Variants in RPS6KA2 observed in about 807,000 individuals in gnomAD.
The protein encoded by RPS6KA2 is ribosomal protein S6 kinase alpha-2.
Under a neutral mutation model 91.8 loss-of-function variants are expected in RPS6KA2, and 42 were observed. The ratio of observed to expected loss-of-function variants is 0.46; its 90% CI spans 0.36 to 0.59. The LOEUF is 0.59. Ranked by LOEUF, RPS6KA2 falls within the 20% of genes least tolerant of loss-of-function variation. The pLI is 0.00. For synonymous variants in RPS6KA2, 414 were observed against 393.6 expected (o/e 1.05, Z -0.61); for missense variants, 798 against 978.5 (o/e 0.82, Z 2.46).
intron 3 of RPS6KA2, 43 bp downstream of exon 3, chr6:166,531,189 A>G (rs759532530): frequency 8.0e-7 from 1 of 1,255,120 alleles, no homozygotes; most frequent in Non-Finnish European, 1.2e-6. Context: ...TAGAAATTGC[A>G]GTTACCTGTC....
At chr6:166,798,090 C>T (rs17591358) in intron 2 of RPS6KA2, among the ~76,000 whole-genome samples, 9,999 of 152,254 alleles carry the variant, frequency 0.066, 436 homozygotes, top group Non-Finnish European at 0.099. Flanking sequence ...AGAGCAAAAT[C>T]GAATATGCGA....
chr6:166,641,719 C>A (rs1159779935), intron 2 of RPS6KA2, among the ~76,000 whole-genome samples: 3 of 28,524 alleles, frequency 1.1e-4, no homozygotes, highest in Non-Finnish European at 1.5e-4. Flanking sequence ...GACTCTGTCA[C>A]AAAAAAAAAA....
chr6:166,668,847 C>T (rs1788392398), intron 2 of RPS6KA2, among the ~76,000 whole-genome samples: 1 of 135,286 alleles, frequency 7.4e-6, no homozygotes, highest in Non-Finnish European at 1.6e-5. Flanking sequence ...TCCTCCATCC[C>T]TCCCTCCCTC....
chr6:166,589,844 T>A (rs1785300304), intron 1 of RPS6KA2, among the ~76,000 whole-genome samples: 1 of 152,136 alleles, frequency 6.6e-6, no homozygotes, highest in Non-Finnish European at 1.5e-5. Context: ...ATATACAACA[T>A]AAACTAAACT....
intron 2 of RPS6KA2, among the ~76,000 whole-genome samples, chr6:166,754,624 A>T (rs1777944680): frequency 6.6e-6 from 1 of 151,618 alleles, no homozygotes. Flanking sequence ...TGAAAAGTGC[A>T]CTCCTGGGTG....
intron 2 of RPS6KA2, among the ~76,000 whole-genome samples, chr6:166,820,970 G>A (rs1241313414): frequency 6.6e-6 from 1 of 152,184 alleles, no homozygotes; most frequent in East Asian, 1.9e-4. Context: ...ATCTCTCACA[G>A]ATGAATTTTT....
chr6:166,739,465 G>C (rs1196841653), intron 2 of RPS6KA2, among the ~76,000 whole-genome samples: 1 of 152,176 alleles, frequency 6.6e-6, no homozygotes, highest in African/African-American at 2.4e-5. Context: ...ATTAGAGCTC[G>C]TCTCTAAAAT....
At chr6:166,574,410 A>T (rs1784781382) in intron 1 of RPS6KA2, among the ~76,000 whole-genome samples, 1 of 152,174 alleles carries the variant, frequency 6.6e-6, no homozygotes, top group Non-Finnish European at 1.5e-5. Context: ...GAGAACATGC[A>T]TTTGGTTTTC....
intron 2 of RPS6KA2, among the ~76,000 whole-genome samples, chr6:166,704,228 T>G (rs1212905204): frequency 6.6e-6 from 1 of 152,200 alleles, no homozygotes; most frequent in African/African-American, 2.4e-5. Context: ...CTGTGAGGTG[T>G]TGATAGCATG....
rs142511973 is a variant in RPS6KA2, at chr6:166,762,392, A to ATG, written c.123+95806_123+95807dup. ...TGTGTGTTTGTATGTCTATGCGCAT[A>ATG]TGTGTGTGTGTGTGCATGTTAAACG... On this transcript the variant is annotated intron_variant, in intron 2 of 21. Transcript: ENST00000503859. Among the ~76,000 whole-genome samples the ATG allele has an allele frequency of 9.2e-5, 14 of 151,844 alleles. No individual in the cohort carries two copies. In the South Asian group the frequency reaches 1.7e-3, roughly 18 times the overall value.
In RPS6KA2 at chr6:166,767,126, C is replaced by T. The variant is rs929039172; in HGVS notation, c.123+91074G>A. Among the ~76,000 whole-genome samples the T allele has an allele frequency of 2.0e-5, 3 of 152,242 alleles. No homozygotes were observed. Among genetic ancestry groups the T allele is most frequent in the African/African-American group, 7.2e-5 (3 of 41,466 alleles). ...CTCAGCTACCTGTGGGAAAAGCCAGCTCCACCATGGAATTTTTGTCTCTGA... is the reference window on the plus strand; with the variant it reads ...CTCAGCTACCTGTGGGAAAAGCCAGTTCCACCATGGAATTTTTGTCTCTGA... On this transcript the variant is annotated intron_variant, in intron 2 of 21. Transcript: ENST00000503859. This position sits in a 1 kb window ranked among gnomAD's most constrained non-coding sequence, Gnocchi z 4.6.
At chr6:166,675,514 C>A (rs939829961) in intron 2 of RPS6KA2, among the ~76,000 whole-genome samples, 4 of 152,136 alleles carry the variant, frequency 2.6e-5, no homozygotes, top group Non-Finnish European at 5.9e-5. Flanking sequence ...CCTGGAAAAT[C>A]CCCTCCCCAG....
At chr6:166,517,441 C>T (rs887454505) in intron 3 of RPS6KA2, among the ~76,000 whole-genome samples, 7 of 134,574 alleles carry the variant, frequency 5.2e-5, no homozygotes, top group Admixed American at 2.2e-4. Flanking sequence ...CCACTTAAGG[C>T]GTTCTTTTGT....
At position 166,500,812 on chromosome 6, in the gene RPS6KA2, T is replaced by G. The variant is rs1178191330; in HGVS notation, c.604+75A>C. 7.3e-7 allele frequency: 1 copy of G among 1,376,098 alleles called. No individual in the cohort carries two copies. Among genetic ancestry groups the G allele is most frequent in the East Asian group, 2.3e-5 (1 of 43,784 alleles). The allele number at this position is 1,376,098 out of a possible 1,614,324, so 85.2% of individuals were successfully genotyped here. ...GAAGGGCGGTGTAAATAAGAGGGCTTGGGCTTTGAGGTGGTCCCCAAAGGT... is the reference window on the plus strand; with the variant it reads ...GAAGGGCGGTGTAAATAAGAGGGCTGGGGCTTTGAGGTGGTCCCCAAAGGT... On this transcript the variant is annotated intron_variant, in intron 7 of 20. Coordinates refer to ENST00000265678, the MANE Select transcript of RPS6KA2 (RefSeq NM_021135.6). This position sits in a 1 kb window ranked among gnomAD's most constrained non-coding sequence, Gnocchi z 4.3.
intron 1 of RPS6KA2, among the ~76,000 whole-genome samples, chr6:166,547,287 G>A (rs1583267133): frequency 6.6e-6 from 1 of 152,328 alleles, no homozygotes; most frequent in Non-Finnish European, 1.5e-5. Context: ...AAGGAAGGCA[G>A]TTTGGGCTCT....
chr6:166,758,450 T>C (rs2128602137), intron 2 of RPS6KA2, among the ~76,000 whole-genome samples: 1 of 152,366 alleles, frequency 6.6e-6, no homozygotes, highest in African/African-American at 2.4e-5. Context: ...TTGCTTTCAC[T>C]TGCCATGGAG....
intron 3 of RPS6KA2, among the ~76,000 whole-genome samples, chr6:166,517,235 C>T (rs961713025): frequency 6.6e-6 from 1 of 152,068 alleles, no homozygotes; most frequent in Non-Finnish European, 1.5e-5. Flanking sequence ...TGGCTCATAC[C>T]TGTAATCCCA....
intron 2 of RPS6KA2, among the ~76,000 whole-genome samples, chr6:166,794,006 G>T (rs1779160906): frequency 2.1e-5 from 3 of 140,898 alleles, no homozygotes; most frequent in South Asian, 2.7e-4. Flanking sequence ...TGACAAATGG[G>T]ATCTAATTAA....
intron 2 of RPS6KA2, among the ~76,000 whole-genome samples, chr6:166,750,588 G>A (rs780039799): frequency 6.6e-6 from 1 of 152,226 alleles, no homozygotes; most frequent in Non-Finnish European, 1.5e-5. Flanking sequence ...TTCTGCATCT[G>A]TGCTGTCTTC....
Sources: allele counts gnomAD v4.1 joint callset (sites outside exome capture counted in the v4.1 genomes callset), GRCh38; gene constraint gnomAD v4.1.1; non-coding constraint Gnocchi (gnomAD v3.1); transcripts MANE v1.5; gene names NCBI Gene and HGNC (gene_info 2026-07-23, HGNC 2026-07-21).